The following SASH1 variants were observed in gnomAD, a reference collection of about 807,000 sequenced individuals.
SASH1 encodes SAM and SH3 domain-containing protein 1.
In SASH1, 44 loss-of-function variants were observed where a neutral mutation model predicts 125.2. That is an observed-to-expected ratio of 0.35 (90% CI 0.28 to 0.45). SASH1 has a LOEUF of 0.45. SASH1 is among the 20% of genes least tolerant of loss of function. The pLI, the probability that SASH1 is intolerant of heterozygous loss-of-function variation, is 1.00. For missense variants in SASH1, 1,426 were observed against 1,614.5 expected, an observed-to-expected ratio of 0.88 and a Z score of 2.00; for synonymous variants, 639 against 649.1, an observed-to-expected ratio of 0.98 and a Z score of 0.24.
chr6:148,503,760 T>TG (rs1779654973), intron 8 of SASH1, among the ~76,000 whole-genome samples: 1 of 145,490 alleles, frequency 6.9e-6, no homozygotes, highest in African/African-American at 2.5e-5. Flanking sequence ...CCCTTTCTTG[T>TG]AAAAAAAAAA....
intron 1 of SASH1, among the ~76,000 whole-genome samples, chr6:148,356,070 G>GT (rs200129121): frequency 0.28 from 38,721 of 139,420 alleles, 5,467 homozygotes; most frequent in East Asian, 0.4. Context: ...GTATCATTCT[G>GT]TTTTTTTTTT....
intron 1 of SASH1, among the ~76,000 whole-genome samples, chr6:148,293,616 G>A (rs1779691278): frequency 6.6e-6 from 1 of 152,124 alleles, no homozygotes; most frequent in South Asian, 2.1e-4. Context: ...GAGGGGGAGG[G>A]GGAGGGGAAT....
chr6:148,433,389 A>G (rs1364119929), intron 2 of SASH1, among the ~76,000 whole-genome samples: 1 of 149,498 alleles, frequency 6.7e-6, no homozygotes, highest in African/African-American at 2.5e-5. Context: ...AAGTATTAAT[A>G]CTTTTGTTTC....
chr6:148,499,541 C>G (rs947547628), intron 8 of SASH1, among the ~76,000 whole-genome samples: 1 of 152,112 alleles, frequency 6.6e-6, no homozygotes. Context: ...TAATAGATGG[C>G]GTGGTTGTGG....
intron 1 of SASH1, among the ~76,000 whole-genome samples, chr6:148,332,134 T>G (rs1781012669): frequency 6.6e-6 from 1 of 152,166 alleles, no homozygotes; most frequent in African/African-American, 2.4e-5. Context: ...CACTCCCTGA[T>G]GAAGGGCTTT....
Position 148,495,029 on chromosome 6 carries a change from A to G in SASH1, c.729+7314A>G, listed in dbSNP as rs1052241821. 5.3e-5 allele frequency among the ~76,000 whole-genome samples: 8 copies of G among 152,234 alleles called. No individual in the cohort carries two copies. Among genetic ancestry groups the G allele is most frequent in the Admixed American group, 2.6e-4 (4 of 15,286 alleles). The stretch of plus-strand genomic sequence containing the variant: ...CAATGTCCTTTCACCAGCCTCAATA[A>G]CAGACATTGTCTTCAAGCCAGAGGA... On this transcript the variant is annotated intron_variant, in intron 8 of 19. Transcript: ENST00000367467. The surrounding 1 kb of genome is among the most constrained non-coding windows in gnomAD (Gnocchi z 4.0).
intron 1 of SASH1, among the ~76,000 whole-genome samples, chr6:148,381,777 C>A (rs1783150255): frequency 6.6e-6 from 1 of 151,514 alleles, no homozygotes; most frequent in African/African-American, 2.4e-5. Context: ...TACAGGCATG[C>A]ACCACCACGC....
chr6:148,377,205 A>AAC (rs1272492004), intron 1 of SASH1, among the ~76,000 whole-genome samples: 4 of 80,928 alleles, frequency 4.9e-5, no homozygotes, highest in African/African-American at 2.0e-4. Context: ...CAAAAAAAAA[A>AAC]CAAAACAAAC....
intron 1 of SASH1, among the ~76,000 whole-genome samples, chr6:148,283,177 C>A (rs9390553): frequency 0.23 from 34,370 of 152,164 alleles, 3,998 homozygotes; most frequent in African/African-American, 0.25. Flanking sequence ...GTCCTCCCGT[C>A]TAGCTGAGTG....
intron 1 of SASH1, among the ~76,000 whole-genome samples, chr6:148,292,773 G>A (rs1172564757): frequency 2.0e-5 from 3 of 152,102 alleles, no homozygotes; most frequent in Non-Finnish European, 2.9e-5. Context: ...AATCAGGGCC[G>A]GGAACAGTGG....
chr6:148,363,562 G>T lies in SASH1; in HGVS notation c.156+20339G>T, dbSNP rs533219161. ...ATTACAGGCGCCCGCCACCACACCC[G>T]GCTAATTTTCTGTATTTTTAGTAGG... On this transcript the variant is annotated intron_variant, in intron 1 of 19. Transcript: ENST00000367467. Among the ~76,000 whole-genome samples, 5 of 152,056 alleles carry T rather than the reference G, an allele frequency of 3.3e-5. No individual in the cohort carries two copies. In the East Asian group the frequency reaches 9.7e-4, roughly 29 times the overall value.
chr6:148,232,586 A>G, the SASH1 span, among the ~76,000 whole-genome samples: 10 of 152,228 alleles, frequency 6.6e-5, no homozygotes, highest in Non-Finnish European at 1.2e-4. Context: ...ACATGCAACT[A>G]TGCAGAAGAC....
intron 8 of SASH1, among the ~76,000 whole-genome samples, chr6:148,493,424 G>A (rs1012602151): frequency 3.3e-5 from 5 of 152,098 alleles, no homozygotes; most frequent in African/African-American, 9.7e-5. Flanking sequence ...GGTTATAGGC[G>A]CTTTGAATAT....
the SASH1 span, among the ~76,000 whole-genome samples, chr6:148,234,780 C>G: frequency 2.0e-5 from 3 of 151,134 alleles, no homozygotes; most frequent in Admixed American, 6.6e-5. Context: ...TGAGCCGAGA[C>G]TGCGCCATTG....
At chr6:148,412,472 C>A (rs553962768) in intron 2 of SASH1, among the ~76,000 whole-genome samples, 1 of 152,272 alleles carries the variant, frequency 6.6e-6, no homozygotes, top group East Asian at 1.9e-4. Context: ...CGTTTTTCAA[C>A]TTAGAATTTG....
the SASH1 span, among the ~76,000 whole-genome samples, chr6:148,249,922 C>T: frequency 1.3e-5 from 2 of 152,160 alleles, no homozygotes; most frequent in African/African-American, 2.4e-5. Context: ...CTCATCTGAT[C>T]CTCGAAGAAA....
intron 18 of SASH1, among the ~76,000 whole-genome samples, chr6:148,545,229 A>T (rs374377587): frequency 6.6e-6 from 1 of 152,184 alleles, no homozygotes. Context: ...TTCAAAAAAA[A>T]TGAGATCTAC....
chr6:148,410,483 A>G (rs909957134), intron 2 of SASH1, among the ~76,000 whole-genome samples: 2 of 152,094 alleles, frequency 1.3e-5, no homozygotes, highest in Non-Finnish European at 2.9e-5. Flanking sequence ...CTTCACAGTG[A>G]TACATTTAAT....
intron 4 of SASH1, among the ~76,000 whole-genome samples, chr6:148,445,864 G>T (rs1776746549): frequency 6.6e-6 from 1 of 152,240 alleles, no homozygotes; most frequent in East Asian, 1.9e-4. Flanking sequence ...GCTCCCTTCA[G>T]GGGGCCCAGG....
Sources: gnomAD v4.1 joint callset for allele counts (sites outside exome capture counted in the v4.1 genomes callset) on GRCh38, gnomAD v4.1.1 for gene constraint, Gnocchi (gnomAD v3.1) non-coding constraint, MANE v1.5 for transcripts, NCBI Gene and HGNC (gene_info 2026-07-23, HGNC 2026-07-21) for gene names.